The following AKR1E2 variants were observed in gnomAD, a reference collection of about 807,000 sequenced individuals.
AKR1E2 encodes aldo-keto reductase family 1 member E2.
AKR1E2 carries 43 observed loss-of-function variants against 41.9 expected under a neutral mutation model. The observed-to-expected ratio is 1.03, with a 90% CI of 0.80 to 1.32. The LOEUF is 1.32. AKR1E2 is among the 40% of genes most tolerant of loss of function. The pLI, the probability that AKR1E2 is intolerant of heterozygous loss-of-function variation, is 0.00. For missense variants in AKR1E2, 423 were observed against 396.5 expected (o/e 1.07, Z -0.57); for synonymous variants, 121 against 138.9 (o/e 0.87, Z 0.91).
chr10:4,828,814 G>A (rs559645662), intron 1 of AKR1E2, among the ~76,000 whole-genome samples: 84 of 152,078 alleles, frequency 5.5e-4, no homozygotes, highest in African/African-American at 1.9e-3. Flanking sequence ...ATTATTATTG[G>A]GTTCTTGATA....
At chr10:4,868,173 C>G in the AKR1E2 span, among the ~76,000 whole-genome samples, 1 of 152,152 alleles carries the variant, frequency 6.6e-6, no homozygotes, top group Non-Finnish European at 1.5e-5. Context: ...GGTGGCAATG[C>G]CAGCTTCTGG....
At chr10:4,859,607 C>A in the AKR1E2 span, among the ~76,000 whole-genome samples, 1 of 152,326 alleles carries the variant, frequency 6.6e-6, no homozygotes, top group Non-Finnish European at 1.5e-5. Flanking sequence ...ATTCTGCCCG[C>A]ACTTCTCATA....
chr10:4,847,710 T>G lies in AKR1E2; in HGVS notation c.*180T>G. The G allele has an allele frequency of 1.5e-6, 1 of 669,340 alleles. No individual in the cohort carries two copies. Among genetic ancestry groups the G allele is most frequent in the South Asian group, 1.9e-5 (1 of 51,418 alleles). 41.5% of individuals were successfully genotyped at this position (669,340 alleles called of 1,614,324 possible). A position where few individuals can be genotyped will look rare whatever the true frequency, so the allele number is the denominator to read the frequency against. On this transcript the variant is annotated 3_prime_UTR_variant, in exon 10 of 10. Transcript: ENST00000298375. ...TCTGGAGAATTGAGTGTGTTCTAAG[T>G]GAAGGCAATGGGGTTTCTCCAAGAC...
At position 4,842,506 on chromosome 10, in the gene AKR1E2, T is replaced by G. The variant is rs150640934; in HGVS notation, c.837+2T>G. 1.4e-5 allele frequency: 22 copies of G among 1,613,296 alleles called. No individual in the cohort carries two copies. The highest frequency in any genetic ancestry group is 3.3e-4 in the Middle Eastern group (2 of 6,078). Reference sequence around the variant, plus strand: ...AGTCACATTAAAGAGAATATCCAGGTAGGTGTATTCCTTCTTTTATTTGGC... The same window carrying G: ...AGTCACATTAAAGAGAATATCCAGGGAGGTGTATTCCTTCTTTTATTTGGC... On this transcript the variant is annotated splice_donor_variant, in intron 8 of 9. Transcript: ENST00000298375. LOFTEE classifies it high-confidence loss of function.
the AKR1E2 span, among the ~76,000 whole-genome samples, chr10:4,870,802 T>G: frequency 1.8e-3 from 267 of 152,268 alleles, no homozygotes; most frequent in African/African-American, 6.3e-3. Context: ...CTTCTTACTC[T>G]GTAGGTTTAT....
the AKR1E2 span, among the ~76,000 whole-genome samples, chr10:4,868,678 G>A: frequency 6.6e-6 from 1 of 152,140 alleles, no homozygotes; most frequent in Non-Finnish European, 1.5e-5. Context: ...GTAGGTTATT[G>A]CAGATGTTCT....
the AKR1E2 span, among the ~76,000 whole-genome samples, chr10:4,862,498 T>C: frequency 1.3e-5 from 2 of 152,216 alleles, no homozygotes; most frequent in African/African-American, 4.8e-5. Flanking sequence ...GAGGATGACA[T>C]TGAATCTATA....
chr10:4,838,947 G>T (rs1349750446), intron 5 of AKR1E2, among the ~76,000 whole-genome samples: 2 of 152,346 alleles, frequency 1.3e-5, no homozygotes, highest in African/African-American at 4.8e-5. Flanking sequence ...GAAGGCTCCA[G>T]AAGGGCTGGC....
downstream of AKR1E2, among the ~76,000 whole-genome samples, chr10:4,848,845 C>G (rs1255882623): frequency 6.6e-6 from 1 of 152,216 alleles, no homozygotes; most frequent in Non-Finnish European, 1.5e-5. Flanking sequence ...GCCTCACCTC[C>G]CAGCCTTCAG....
At chr10:4,848,078 C>CTGTTT (rs1340907341), downstream of AKR1E2, 264 of 131,508 alleles carry the variant, frequency 2.0e-3, 5 homozygotes, top group Middle Eastern at 3.9e-3. Context: ...ATTTTAATTT[C>CTGTTT]TTTTTTTTTT....
At chr10:4,827,086 A>AG (rs1564250490) in intron 1 of AKR1E2, among the ~76,000 whole-genome samples, 2 of 147,910 alleles carry the variant, frequency 1.4e-5, no homozygotes, top group Admixed American at 6.7e-5. Flanking sequence ...AAAAAAAAAA[A>AG]AAAAAAAGAA....
chr10:4,829,854 G>A (rs775763920), intron 1 of AKR1E2, among the ~76,000 whole-genome samples: 6 of 151,966 alleles, frequency 3.9e-5, no homozygotes, highest in South Asian at 4.1e-4. Flanking sequence ...ACTGACTTCT[G>A]GTTTTGTTGA....
chr10:4,831,852 A>G (rs79481482), intron 2 of AKR1E2, among the ~76,000 whole-genome samples: 5,312 of 152,252 alleles, frequency 0.035, 151 homozygotes, highest in East Asian at 0.12. Context: ...AGCTTGTATC[A>G]TATGTGAGTG....
chr10:4,835,710 A>G lies in AKR1E2; in HGVS notation c.360A>G (p.Glu120=). Reference sequence around the variant, plus strand: ...CAGAATGGATCATGAGCTGCAGTGAACTTTCCTTCTGCCTCTCACATCCTC... The same window carrying G: ...CAGAATGGATCATGAGCTGCAGTGAGCTTTCCTTCTGCCTCTCACATCCTC... The part of the protein sequence containing the change: ...PHPEWIMSCS[E]LSFCLSHPRV... The change falls in exon 4 of 10, where the codon GAA becomes GAG. Residue 120 remains glutamate, a synonymous_variant. Transcript: ENST00000298375. 2 of 1,614,030 alleles carry G rather than the reference A, an allele frequency of 1.2e-6. No individual in the cohort carries two copies. Among genetic ancestry groups the G allele is most frequent in the Non-Finnish European group, 1.7e-6 (2 of 1,180,014 alleles).
At chr10:4,851,322 CA>C (rs1834522907), downstream of AKR1E2, among the ~76,000 whole-genome samples, 1 of 152,208 alleles carries the variant, frequency 6.6e-6, no homozygotes, top group African/African-American at 2.4e-5. Flanking sequence ...TGACATCCAC[CA>C]TACTGTGGTC....
chr10:4,836,021 C>T lies in AKR1E2; in HGVS notation c.459+212C>T, dbSNP rs533487114. ...GTTTGGTATGGTGCAGTTCTCTTGA[C>T]ACATTTGAGGGGTAGCTCATTATAG... is the stretch of plus-strand genomic sequence containing the variant. On this transcript the variant is annotated intron_variant, in intron 4 of 9. Coordinates refer to ENST00000298375, the MANE Select transcript of AKR1E2 (RefSeq NM_001040177.3). 6.6e-5 allele frequency among the ~76,000 whole-genome samples: 10 copies of T among 152,288 alleles called. No homozygotes were observed. In the South Asian group the frequency reaches 2.1e-3, roughly 32 times the overall value.
intron 8 of AKR1E2, among the ~76,000 whole-genome samples, chr10:4,846,357 G>C (rs971501042): frequency 2.0e-5 from 3 of 152,170 alleles, no homozygotes; most frequent in Admixed American, 1.3e-4. Context: ...AAAGGGGAGG[G>C]AAGGGCTGAG....
intron 3 of AKR1E2, among the ~76,000 whole-genome samples, chr10:4,834,630 A>G (rs1264132586): frequency 1.3e-5 from 2 of 152,216 alleles, no homozygotes; most frequent in Non-Finnish European, 2.9e-5. Context: ...TCTTGGAGAG[A>G]TGATGAAACT....
At chr10:4,842,275 A>C in intron 7 of AKR1E2, 146 bp from the exon 8 acceptor site, 1 of 659,962 alleles carries the variant, frequency 1.5e-6, no homozygotes, top group Non-Finnish European at 2.6e-6. Flanking sequence ...ACATATTGAC[A>C]GAGCTGCTCA....
Sources: allele counts gnomAD v4.1 joint callset (sites outside exome capture counted in the v4.1 genomes callset), GRCh38; gene constraint gnomAD v4.1.1; transcripts MANE v1.5; gene names NCBI Gene and HGNC (gene_info 2026-07-23, HGNC 2026-07-21).